The following CNPY1 variants were observed in gnomAD, a reference collection of about 807,000 sequenced individuals.
The protein encoded by CNPY1 is canopy FGF signaling regulator 1.
A neutral mutation model predicts 14.4 loss-of-function variants in CNPY1; 14 were observed. The ratio of observed to expected loss-of-function variants is 0.97; its 90% CI spans 0.64 to 1.52. The LOEUF (loss-of-function observed/expected upper bound fraction) is 1.52, where lower values mean the gene tolerates loss of function less well. Among genes scored for constraint, CNPY1 ranks in the 40% most tolerant of loss-of-function variants. CNPY1 has a pLI of 0.00. For missense variants in CNPY1, 129 were observed against 131.5 expected (o/e 0.98, Z 0.09); for synonymous variants, 43 against 46.5 (o/e 0.92, Z 0.31).
At chr7:155,544,282 G>A (rs538906828) in intron 2 of CNPY1, among the ~76,000 whole-genome samples, 1 of 152,312 alleles carries the variant, frequency 6.6e-6, no homozygotes, top group South Asian at 2.1e-4. Context: ...GTCATTGTCA[G>A]GACTAGAAAA....
At chr7:155,543,586 C>T (rs1421664320) in intron 2 of CNPY1, among the ~76,000 whole-genome samples, 1 of 152,196 alleles carries the variant, frequency 6.6e-6, no homozygotes, top group Admixed American at 6.5e-5. Flanking sequence ...CTCTTTGAAG[C>T]ATGAGAGTGC....
chr7:155,539,253 G>A (rs1461340190), intron 2 of CNPY1, among the ~76,000 whole-genome samples: 1 of 152,224 alleles, frequency 6.6e-6, no homozygotes, highest in Non-Finnish European at 1.5e-5. Flanking sequence ...GTATCATGCT[G>A]AGGACAGCCA....
intron 2 of CNPY1, among the ~76,000 whole-genome samples, chr7:155,522,766 T>C (rs1796749445): frequency 1.3e-5 from 2 of 152,224 alleles, no homozygotes. Context: ...TAGTCACGCA[T>C]AGCACCAGGC....
intron 2 of CNPY1, among the ~76,000 whole-genome samples, chr7:155,516,559 G>A (rs1171005597): frequency 7.5e-6 from 1 of 132,570 alleles, no homozygotes; most frequent in Non-Finnish European, 1.6e-5. Context: ...GTGTCCTCAA[G>A]GAGTCACAGG....
At chr7:155,527,677 C>T (rs182362167) in intron 2 of CNPY1, among the ~76,000 whole-genome samples, 62 of 151,286 alleles carry the variant, frequency 4.1e-4, no homozygotes, top group Non-Finnish European at 7.5e-4. Flanking sequence ...GTCTCAAAAT[C>T]CTGAGTTCAA....
chr7:155,527,054 C>CTTTCTTTCTTTCTTTCGTT (rs56296833), intron 2 of CNPY1, among the ~76,000 whole-genome samples: 1 of 90,344 alleles, frequency 1.1e-5, no homozygotes, highest in African/African-American at 5.1e-5. Flanking sequence ...TTCTTTCTTT[C>CTTTCTTTCTTTCTTTCGTT]TTTTTTTTTT....
At chr7:155,543,116 C>T (rs549141469) in intron 2 of CNPY1, among the ~76,000 whole-genome samples, 3 of 152,306 alleles carry the variant, frequency 2.0e-5, no homozygotes, top group East Asian at 1.9e-4. Flanking sequence ...TCTGAAGACA[C>T]GGCCTGTGTT....
chr7:155,524,425 A>G (rs1201932670), intron 2 of CNPY1, among the ~76,000 whole-genome samples: 1 of 152,214 alleles, frequency 6.6e-6, no homozygotes, highest in Non-Finnish European at 1.5e-5. Context: ...CAGTGAGCAA[A>G]GCTTCATCTG....
At position 155,508,496 on chromosome 7, in the gene CNPY1, C is replaced by T. The variant is rs531505650; in HGVS notation, c.303+398G>A. On this transcript the variant is annotated intron_variant, in intron 3 of 4. Coordinates refer to ENST00000636446, the MANE Select transcript of CNPY1 (RefSeq NM_001393663.1). ...ACCTAGAAACCACAGCCCCTGATTC[C>T]TTATGTGGAAACCTGTGAGAGACCT... 2.0e-5 allele frequency among the ~76,000 whole-genome samples: 3 copies of T among 152,338 alleles called. No individual in the cohort carries two copies. In the East Asian group the frequency reaches 5.8e-4, roughly 29 times the overall value.
At chr7:155,506,985 C>T (rs368748286) in intron 4 of CNPY1, 35 bp downstream of exon 4, 62 of 1,358,422 alleles carry the variant, frequency 4.6e-5, no homozygotes, top group African/African-American at 1.6e-4. Flanking sequence ...AGAGGGTGTG[C>T]GAGCAGCGAG....
chr7:155,514,236 C>A (rs1044779717), intron 2 of CNPY1, among the ~76,000 whole-genome samples: 1 of 152,190 alleles, frequency 6.6e-6, no homozygotes, highest in Non-Finnish European at 1.5e-5. Flanking sequence ...TCTCTAATTC[C>A]GACGTTTAAA....
chr7:155,533,038 C>CA (rs1796967385), intron 2 of CNPY1, among the ~76,000 whole-genome samples: 1 of 152,232 alleles, frequency 6.6e-6, no homozygotes, highest in Admixed American at 6.5e-5. Context: ...AATCGATACC[C>CA]ACTCAACGTC....
chr7:155,539,560 T>C (rs1228567369), intron 2 of CNPY1, among the ~76,000 whole-genome samples: 3 of 152,178 alleles, frequency 2.0e-5, no homozygotes, highest in African/African-American at 2.4e-5. Context: ...CAGGATGTTA[T>C]AGTGCCCTGT....
chr7:155,516,504 T>C (rs1585310769), intron 2 of CNPY1, among the ~76,000 whole-genome samples: 1 of 152,030 alleles, frequency 6.6e-6, no homozygotes, highest in African/African-American at 2.4e-5. Flanking sequence ...GGGACCTCAA[T>C]AGGAACTCTC....
Position 155,501,994 on chromosome 7 carries a change from C to CT in CNPY1, c.*1073_*1074insA, listed in dbSNP as rs1554446745. The stretch of plus-strand genomic sequence containing the variant: ...AACAATATGGCAAAGAGTTTTGGGT[C>CT]GGGGGGGTTGGGGGGGGGATTTGTA... On this transcript the variant is annotated 3_prime_UTR_variant, in exon 5 of 5. Coordinates refer to ENST00000636446, the MANE Select transcript of CNPY1 (RefSeq NM_001393663.1). 4.9e-4 allele frequency: 6 copies of CT among 12,356 alleles called. No homozygotes were observed. The highest frequency in any genetic ancestry group is 3.6e-3 in the South Asian group (1 of 280). The allele number at this position is 12,356 out of a possible 1,614,324, so 0.8% of individuals were successfully genotyped here.
intron 2 of CNPY1, among the ~76,000 whole-genome samples, chr7:155,523,543 T>G (rs1212518170): frequency 6.6e-6 from 1 of 152,146 alleles, no homozygotes; most frequent in Non-Finnish European, 1.5e-5. Flanking sequence ...TGACCGAACA[T>G]GAAGAGGCCA....
At chr7:155,517,561 C>G (rs1796644757) in intron 2 of CNPY1, among the ~76,000 whole-genome samples, 1 of 152,182 alleles carries the variant, frequency 6.6e-6, no homozygotes, top group South Asian at 2.1e-4. Flanking sequence ...GCCTGGACAC[C>G]ATGCAGAGGC....
chr7:155,507,471 T>TAAAAAA (rs35711313), intron 3 of CNPY1, among the ~76,000 whole-genome samples: 1,694 of 53,566 alleles, frequency 0.032, 57 homozygotes, highest in East Asian at 0.042. Context: ...GTTTTTAAAC[T>TAAAAAA]AAAAAAAAAA....
chr7:155,530,878 C>G (rs1037439210), intron 2 of CNPY1, among the ~76,000 whole-genome samples: 16 of 152,206 alleles, frequency 1.1e-4, no homozygotes, highest in African/African-American at 3.9e-4. Flanking sequence ...TTGTGAAAAC[C>G]AGGAATGTCT....
Sources: allele counts gnomAD v4.1 joint callset (sites outside exome capture counted in the v4.1 genomes callset), GRCh38; gene constraint gnomAD v4.1.1; transcripts MANE v1.5; gene names NCBI Gene and HGNC (gene_info 2026-07-23, HGNC 2026-07-21).